Variants in RASSF9 observed in about 807,000 individuals in gnomAD.
RASSF9 encodes the protein Ras association domain family member 9.
Under a neutral mutation model 21.4 loss-of-function variants are expected in RASSF9, and 18 were observed. That is an observed-to-expected ratio of 0.84 (90% CI 0.58 to 1.25). The LOEUF is 1.25. Ranked by LOEUF, RASSF9 falls within the 50% of genes most tolerant of loss-of-function variation. The pLI, the probability that RASSF9 is intolerant of heterozygous loss-of-function variation, is 0.00. For missense variants in RASSF9, 480 were observed against 503.2 expected, an observed-to-expected ratio of 0.95 and a Z score of 0.44; for synonymous variants, 183 against 179.1, an observed-to-expected ratio of 1.02 and a Z score of -0.18.
chr12:85,827,135 A>G (rs969793499), intron 1 of RASSF9, among the ~76,000 whole-genome samples: 1 of 152,156 alleles, frequency 6.6e-6, no homozygotes, highest in Non-Finnish European at 1.5e-5. Context: ...CCTCTACTTT[A>G]TGTATTTAAC....
At chr12:85,833,404 C>T (rs1043239989) in intron 1 of RASSF9, among the ~76,000 whole-genome samples, 4 of 151,910 alleles carry the variant, frequency 2.6e-5, no homozygotes, top group African/African-American at 9.7e-5. Flanking sequence ...TATGACCCCA[C>T]CTTCTCCAAG....
intron 1 of RASSF9, among the ~76,000 whole-genome samples, chr12:85,817,398 C>G (rs993600622): frequency 1.4e-4 from 21 of 151,946 alleles, no homozygotes; most frequent in Admixed American, 5.9e-4. Context: ...ATTAATTTAG[C>G]TTTATTATGA....
chr12:85,813,010 C>A (rs1879984207), intron 1 of RASSF9, among the ~76,000 whole-genome samples: 1 of 151,656 alleles, frequency 6.6e-6, no homozygotes, highest in African/African-American at 2.4e-5. Flanking sequence ...TTTTAATCTT[C>A]CCCTGATTTA....
chr12:85,805,796 C>A lies in RASSF9; in HGVS notation c.214G>T (p.Gly72Trp). The A allele has an allele frequency of 6.2e-7, 1 of 1,613,850 alleles. No homozygotes were observed. The highest frequency in any genetic ancestry group is 8.5e-7 in the Non-Finnish European group (1 of 1,179,888). The change falls in exon 2 of 2, where the codon GGG (glycine) becomes TGG (tryptophan). Residue 72 changes from glycine (G) to tryptophan (W), a missense_variant. By Grantham distance (184) the Gly-to-Trp change is radical. Transcript: ENST00000361228. The stretch of plus-strand genomic sequence containing the variant: ...ATGATGCAGTAATCACTGGGCTTCC[C>A]CAGAAGAAATCGTTTCTCTCCAAAC... ...ATFGEKRFLL[G>W]KPSDYCIIEK...
At chr12:85,818,956 CAAAA>C (rs60760019) in intron 1 of RASSF9, among the ~76,000 whole-genome samples, 3 of 66,624 alleles carry the variant, frequency 4.5e-5, no homozygotes, top group African/African-American at 6.1e-5. Context: ...GAGACTCCGT[CAAAA>C]AAAAAAAAAA....
intron 1 of RASSF9, among the ~76,000 whole-genome samples, chr12:85,807,527 A>T (rs2136550418): frequency 6.6e-6 from 1 of 152,234 alleles, no homozygotes; most frequent in East Asian, 1.9e-4. Context: ...AGCCTATTCC[A>T]TCAGTCTAGA....
At position 85,801,922 on chromosome 12, in the gene RASSF9, A is replaced by G. The variant is rs1027917118; in HGVS notation, c.*2780T>C. On this transcript the variant is annotated 3_prime_UTR_variant, in exon 2 of 2. Coordinates refer to ENST00000361228, the MANE Select transcript of RASSF9 (RefSeq NM_005447.4). ...GCTTCTTATGAGAAGTACCTCTAAA[A>G]TATTTCTGGGTTCAGAGATGAGATT... is the stretch of plus-strand genomic sequence containing the variant. 1.9e-4 allele frequency: 29 copies of G among 152,272 alleles called. No individual in the cohort carries two copies. Among genetic ancestry groups the G allele is most frequent in the African/African-American group, 7.0e-4 (29 of 41,480 alleles). The allele number at this position is 152,272 out of a possible 1,614,324, so 9.4% of individuals were successfully genotyped here. A position where few individuals can be genotyped will look rare whatever the true frequency, so the allele number is the denominator to read the frequency against.
chr12:85,812,538 T>G (rs1414483419), intron 1 of RASSF9, among the ~76,000 whole-genome samples: 1 of 151,218 alleles, frequency 6.6e-6, no homozygotes, highest in Non-Finnish European at 1.5e-5. Context: ...AAATTTAAAT[T>G]TATGATTTTA....
At chr12:85,823,664 A>G (rs1429965677) in intron 1 of RASSF9, among the ~76,000 whole-genome samples, 1 of 152,190 alleles carries the variant, frequency 6.6e-6, no homozygotes, top group Non-Finnish European at 1.5e-5. Context: ...GAAGCCTTGT[A>G]TCTTCTGCTT....
At chr12:85,832,659 G>A (rs1425812862) in intron 1 of RASSF9, among the ~76,000 whole-genome samples, 1 of 151,790 alleles carries the variant, frequency 6.6e-6, no homozygotes, top group Non-Finnish European at 1.5e-5. Flanking sequence ...TGGTTCCCTA[G>A]CGACTTTTAG....
Position 85,826,470 on chromosome 12 carries a change from C to G in RASSF9, c.47+9685G>C, listed in dbSNP as rs189871803. 3.3e-3 allele frequency among the ~76,000 whole-genome samples: 441 copies of G among 132,008 alleles called. 3 individuals carry two copies. Among genetic ancestry groups the G allele is most frequent in the African/African-American group, 0.013 (420 of 31,374 alleles). The allele number at this position is 132,008 out of a possible 152,430, so 86.6% of individuals were successfully genotyped here. On this transcript the variant is annotated intron_variant, in intron 1 of 1. Coordinates refer to ENST00000361228, the MANE Select transcript of RASSF9 (RefSeq NM_005447.4). ...ATATTTTTTTTTTTTTTTTTTGAGGCAGAATCTCGCTCTGTCGCCCAGGCT... is the reference window on the plus strand; with the variant it reads ...ATATTTTTTTTTTTTTTTTTTGAGGGAGAATCTCGCTCTGTCGCCCAGGCT...
In RASSF9 at chr12:85,805,660, G is replaced by A. The variant is rs1461282244; in HGVS notation, c.350C>T (p.Ala117Val). ...QPNMQFVLVKADAFLPVPLWR... is the reference protein window; with the variant it reads ...QPNMQFVLVKVDAFLPVPLWR... Reference sequence around the variant, plus strand: ...CAAAGGAACTGGAAGAAAAGCATCTGCTTTAACCAAAACAAATTGCATATT... The same window carrying A: ...CAAAGGAACTGGAAGAAAAGCATCTACTTTAACCAAAACAAATTGCATATT... The change falls in exon 2 of 2, where the codon GCA becomes GTA. Residue 117 changes from alanine to valine, a missense_variant. By Grantham distance (64) the Ala-to-Val change is moderately conservative. Transcript: ENST00000361228. The A allele has an allele frequency of 6.2e-7, 1 of 1,613,870 alleles. No individual in the cohort carries two copies. The highest frequency in any genetic ancestry group is 8.5e-7 in the Non-Finnish European group (1 of 1,179,908).
At chr12:85,830,821 C>T (rs1331178909) in intron 1 of RASSF9, among the ~76,000 whole-genome samples, 3 of 152,026 alleles carry the variant, frequency 2.0e-5, no homozygotes, top group Admixed American at 6.6e-5. Context: ...CCAACAAATA[C>T]ACAAACTTTC....
intron 1 of RASSF9, among the ~76,000 whole-genome samples, chr12:85,810,013 G>A (rs763493366): frequency 6.6e-6 from 1 of 151,266 alleles, no homozygotes; most frequent in African/African-American, 2.4e-5. Flanking sequence ...TCAATATTTC[G>A]GGGAAATTTT....
At chr12:85,818,982 G>T (rs1405185517) in intron 1 of RASSF9, among the ~76,000 whole-genome samples, 1 of 142,064 alleles carries the variant, frequency 7.0e-6, no homozygotes, top group Non-Finnish European at 1.5e-5. Flanking sequence ...AAAAAAAAAG[G>T]AACTGTAAAA....
intron 1 of RASSF9, among the ~76,000 whole-genome samples, chr12:85,816,540 A>T (rs1405737804): frequency 6.6e-6 from 1 of 152,144 alleles, no homozygotes; most frequent in Non-Finnish European, 1.5e-5. Flanking sequence ...ACTTATAATA[A>T]TATAATCCTC....
chr12:85,805,465 T>C lies in RASSF9; in HGVS notation c.545A>G (p.Asn182Ser). Residue 182 changes from asparagine (N) to serine (S), a missense_variant, in exon 2 of 2, where the codon AAT (asparagine) becomes AGT (serine). Physicochemically the swap from Asn to Ser is conservative, Grantham distance 46 (BLOSUM62 1). Coordinates refer to ENST00000361228, the MANE Select transcript of RASSF9 (RefSeq NM_005447.4). ...KQDTVSHDRD[N>S]METLVHLIIS... ...GATCAGATGAACTAATGTCTCCATA[T>C]TATCTCGATCATGAGAAACTGTGTC... 6.2e-7 allele frequency: 1 copy of C among 1,613,998 alleles called. No homozygotes were observed. The highest frequency in any genetic ancestry group is 1.1e-5 in the South Asian group (1 of 91,080).
intron 1 of RASSF9, 28 bp from the exon 2 acceptor site, chr12:85,805,990 T>C: frequency 1.3e-6 from 2 of 1,578,040 alleles, no homozygotes; most frequent in Non-Finnish European, 1.7e-6. Context: ...GCACATTATA[T>C]TTCTGTCATT....
chr12:85,822,232 T>G (rs1413033551), intron 1 of RASSF9, among the ~76,000 whole-genome samples: 8 of 152,178 alleles, frequency 5.3e-5, no homozygotes, highest in African/African-American at 1.9e-4. Flanking sequence ...GATTTTGAGC[T>G]TATATTTACC....
Sources: allele counts gnomAD v4.1 joint callset (sites outside exome capture counted in the v4.1 genomes callset), GRCh38; gene constraint gnomAD v4.1.1; transcripts MANE v1.5; gene names NCBI Gene and HGNC (gene_info 2026-07-23, HGNC 2026-07-21).